Variants in HS6ST2 observed in about 807,000 individuals in gnomAD.
HS6ST2 encodes heparan sulfate 6-O-sulfotransferase 2.
HS6ST2 carries 17 observed loss-of-function variants against 33.0 expected under a neutral mutation model. The observed-to-expected ratio is 0.52, with a 90% confidence interval of 0.35 to 0.77. The LOEUF (loss-of-function observed/expected upper bound fraction) is 0.77, where lower values mean the gene tolerates loss of function less well. Ranked by LOEUF, HS6ST2 falls within the 30% of genes least tolerant of loss-of-function variation. The pLI is 0.01. For missense variants in HS6ST2, 519 were observed against 551.7 expected, an observed-to-expected ratio of 0.94 and a Z score of 0.59; for synonymous variants, 248 against 237.1, an observed-to-expected ratio of 1.05 and a Z score of -0.42.
intron 2 of HS6ST2, among the ~76,000 whole-genome samples, chrX:132,886,749 A>C (rs2066256860): frequency 1.8e-5 from 2 of 111,454 alleles, no homozygotes; most frequent in African/African-American, 6.5e-5. Context: ...GAAACAACAG[A>C]AAAAAGCCTC....
chrX:132,900,423 C>A (rs904657534), intron 2 of HS6ST2, among the ~76,000 whole-genome samples: 4 of 111,382 alleles, frequency 3.6e-5, no homozygotes, highest in Non-Finnish European at 5.7e-5. Context: ...TTATTTAAAT[C>A]AAAAATAATA....
At chrX:132,883,892 T>C (rs1405670680) in intron 2 of HS6ST2, among the ~76,000 whole-genome samples, 1 of 112,329 alleles carries the variant, frequency 8.9e-6, no homozygotes, top group Non-Finnish European at 1.9e-5. Flanking sequence ...ACATTCTTTT[T>C]GTCTATATCT....
In HS6ST2 at chrX:132,724,644, C is replaced by CA. The variant is rs1322664506; in HGVS notation, c.948-16151dup. On this transcript the variant is annotated intron_variant, in intron 2 of 4. Coordinates refer to ENST00000370833, the MANE Select transcript of HS6ST2 (RefSeq NM_001394073.1). Reference sequence around the variant, plus strand: ...ACAGTGATATCCTTCACAGAAATAGCAAAAAAATCATCCTAAAATTTCTAC... The same window carrying CA: ...ACAGTGATATCCTTCACAGAAATAGCAAAAAAAATCATCCTAAAATTTCTAC... 8.1e-5 allele frequency among the ~76,000 whole-genome samples: 9 copies of CA among 111,405 alleles called. No homozygotes were observed. In the South Asian group the frequency reaches 2.2e-3, roughly 28 times the overall value.
At chrX:132,672,881 A>G (rs951172955) in intron 3 of HS6ST2, among the ~76,000 whole-genome samples, 7 of 112,184 alleles carry the variant, frequency 6.2e-5, no homozygotes, top group Admixed American at 1.9e-4. Context: ...ACCCACTCCA[A>G]TCTGAGTTTT....
Position 132,801,729 on chromosome X carries a change from A to C in HS6ST2, c.948-93235T>G, listed in dbSNP as rs192610036. Among the ~76,000 whole-genome samples, 19 of 112,342 alleles carry C rather than the reference A, an allele frequency of 1.7e-4. No homozygotes were observed. The East Asian group carries it at 5.0e-3, about 30-fold the overall frequency. On this transcript the variant is annotated intron_variant, in intron 2 of 4. Coordinates refer to ENST00000370833, the MANE Select transcript of HS6ST2 (RefSeq NM_001394073.1). ...TTTAGCATGTAGCACTGTTAAGTTC[A>C]TAGCATAGTAGTAAGAAGGAAAACA...
chrX:132,899,794 C>A (rs1261480381), intron 2 of HS6ST2, among the ~76,000 whole-genome samples: 2 of 111,491 alleles, frequency 1.8e-5, no homozygotes, highest in Non-Finnish European at 3.8e-5. Context: ...CACACCATAG[C>A]AAATCATTAT....
intron 2 of HS6ST2, among the ~76,000 whole-genome samples, chrX:132,859,549 C>T (rs757337729): frequency 9.5e-6 from 1 of 105,617 alleles, no homozygotes; most frequent in Non-Finnish European, 1.9e-5. Context: ...TCCAGACATA[C>T]AGGCTAAAGG....
chrX:132,901,626 T>G (rs751278362), intron 2 of HS6ST2, among the ~76,000 whole-genome samples: 4 of 111,289 alleles, frequency 3.6e-5, no homozygotes, highest in African/African-American at 1.3e-4. Context: ...GAAAAGTACA[T>G]GAAGGAAAAC....
At chrX:132,842,272 C>T (rs1030966421) in intron 2 of HS6ST2, among the ~76,000 whole-genome samples, 2 of 111,706 alleles carry the variant, frequency 1.8e-5, no homozygotes, top group South Asian at 7.6e-4. Flanking sequence ...ACTGTATCTG[C>T]TCAATTTTGG....
At chrX:132,828,712 A>T in intron 2 of HS6ST2, among the ~76,000 whole-genome samples, 1 of 90,107 alleles carries the variant, frequency 1.1e-5, no homozygotes, top group South Asian at 5.0e-4. Flanking sequence ...ACACACACAC[A>T]CACACACACA....
chrX:132,758,363 A>G (rs994612486), intron 2 of HS6ST2: 6 of 111,990 alleles, frequency 5.4e-5, no homozygotes, highest in Admixed American at 3.8e-4. Flanking sequence ...ATTTAATGCA[A>G]GACCCAACAG....
At chrX:132,843,226 TA>T (rs1179639506) in intron 2 of HS6ST2, among the ~76,000 whole-genome samples, 1 of 112,326 alleles carries the variant, frequency 8.9e-6, no homozygotes, top group Non-Finnish European at 1.9e-5. Context: ...AATGTCCAAA[TA>T]AAAAATGCTG....
chrX:132,799,649 T>C (rs775225850), intron 2 of HS6ST2, among the ~76,000 whole-genome samples: 13 of 111,472 alleles, frequency 1.2e-4, no homozygotes, highest in African/African-American at 4.2e-4. Context: ...CCAAAAGTGC[T>C]AGGATTACAG....
chrX:132,772,817 A>C (rs1388524071), intron 2 of HS6ST2, among the ~76,000 whole-genome samples: 49 of 91,280 alleles, frequency 5.4e-4, no homozygotes, highest in African/African-American at 2.0e-3. Context: ...AATATATATT[A>C]TATTATATAT....
chrX:132,884,200 C>T (rs1415343138), intron 2 of HS6ST2, among the ~76,000 whole-genome samples: 2 of 111,167 alleles, frequency 1.8e-5, no homozygotes, highest in African/African-American at 6.6e-5. Context: ...TGGAAAGACA[C>T]AAACATGTGT....
At chrX:132,642,056 GA>G (rs2063605320) in intron 4 of HS6ST2, among the ~76,000 whole-genome samples, 1 of 111,808 alleles carries the variant, frequency 8.9e-6, no homozygotes. Flanking sequence ...TAGATTGTGA[GA>G]AATCCAGAGA....
chrX:132,900,668 T>C (rs1319066273), intron 2 of HS6ST2, among the ~76,000 whole-genome samples: 1 of 111,437 alleles, frequency 9.0e-6, no homozygotes, highest in African/African-American at 3.3e-5. Context: ...TATATTGTTA[T>C]AGGTTTTCAC....
chrX:132,670,778 A>G (rs2063865498), intron 3 of HS6ST2, among the ~76,000 whole-genome samples: 1 of 112,375 alleles, frequency 8.9e-6, no homozygotes, highest in Non-Finnish European at 1.9e-5. Context: ...GTGCGATTGC[A>G]CTCCAGCCCG....
At chrX:132,903,840 T>A (rs2066447286) in intron 2 of HS6ST2, among the ~76,000 whole-genome samples, 1 of 112,507 alleles carries the variant, frequency 8.9e-6, no homozygotes, top group African/African-American at 3.2e-5. Context: ...TAACCACAAT[T>A]CTGTTACTTG....
Sources: gnomAD v4.1 joint callset for allele counts (sites outside exome capture counted in the v4.1 genomes callset) on GRCh38, gnomAD v4.1.1 for gene constraint, MANE v1.5 for transcripts, NCBI Gene and HGNC (gene_info 2026-07-23, HGNC 2026-07-21) for gene names.